LRP1B: variants seen among roughly 807,000 people sequenced by gnomAD.
LRP1B encodes the protein LDL receptor related protein 1B, also known as low-density lipoprotein receptor-related protein 1B.
In LRP1B, 217 loss-of-function variants were observed where a neutral mutation model predicts 556.6. That is an observed-to-expected ratio of 0.39 (90% confidence interval 0.35 to 0.44). The LOEUF (loss-of-function observed/expected upper bound fraction) is 0.44. Ranked by LOEUF, LRP1B falls within the 20% of genes least tolerant of loss-of-function variation. The pLI, the probability that LRP1B is intolerant of heterozygous loss-of-function variation, is 1.00. For synonymous variants in LRP1B, 2,047 were observed against 1,865.8 expected (o/e 1.10, Z -2.50); for missense variants, 5,053 against 5,620.8 (o/e 0.90, Z 3.23).
At chr2:141,489,014 T>C (rs1051126216) in intron 2 of LRP1B, among the ~76,000 whole-genome samples, 1 of 151,620 alleles carries the variant, frequency 6.6e-6, no homozygotes, top group Non-Finnish European at 1.5e-5. Flanking sequence ...TCTTGTTCTA[T>C]TGCCCAGGCT....
At position 142,130,867 on chromosome 2, in the gene LRP1B, G is replaced by A. The variant is rs997236490; in HGVS notation, c.-138C>T. ...TACAAATGTCACTGGAAATTCTTCA[G>A]CTCAATGAGTCCAGCCAGTCAGCCT... On this transcript the variant is annotated 5_prime_UTR_variant, in exon 1 of 91. Transcript: ENST00000389484. 1.2e-5 allele frequency: 9 copies of A among 728,450 alleles called. No homozygotes were observed. Among genetic ancestry groups the A allele is most frequent in the Non-Finnish European group, 2.0e-5 (8 of 408,668 alleles). 45.1% of individuals were successfully genotyped at this position (728,450 alleles called of 1,614,324 possible).
intron 81 of LRP1B, 101 bp downstream of exon 81, chr2:140,323,792 T>C (rs1001336780): frequency 3.5e-6 from 2 of 567,052 alleles, no homozygotes; most frequent in African/African-American, 1.9e-5. Flanking sequence ...TTACTGAGGT[T>C]AAGACATTTA....
chr2:141,210,289 G>A (rs1682485296), intron 6 of LRP1B, among the ~76,000 whole-genome samples: 1 of 151,340 alleles, frequency 6.6e-6, no homozygotes, highest in African/African-American at 2.4e-5. Flanking sequence ...AAATCCATTA[G>A]GAAAGTCCAA....
intron 1 of LRP1B, among the ~76,000 whole-genome samples, chr2:142,016,878 ATG>A (rs202228698): frequency 0.025 from 3,728 of 149,838 alleles, 161 homozygotes; most frequent in East Asian, 0.17. Flanking sequence ...ATATGTATAT[ATG>A]TGTTTATATG....
intron 66 of LRP1B, among the ~76,000 whole-genome samples, chr2:140,439,956 T>G (rs1345915857): frequency 6.6e-6 from 1 of 152,154 alleles, no homozygotes; most frequent in African/African-American, 2.4e-5. Flanking sequence ...TTACTCTGCT[T>G]CATTTTTTTC....
At chr2:141,196,039 T>C (rs755607465) in intron 6 of LRP1B, among the ~76,000 whole-genome samples, 1 of 152,012 alleles carries the variant, frequency 6.6e-6, no homozygotes, top group African/African-American at 2.4e-5. Context: ...GTAGCTAAAA[T>C]AAGAAAGAAT....
At chr2:141,075,606 C>T (rs1182700310) in intron 7 of LRP1B, among the ~76,000 whole-genome samples, 1 of 152,104 alleles carries the variant, frequency 6.6e-6, no homozygotes, top group African/African-American at 2.4e-5. Context: ...TATTAGAATT[C>T]AAAAGTTGCT....
intron 18 of LRP1B, among the ~76,000 whole-genome samples, chr2:140,965,702 C>T (rs916397856): frequency 2.6e-5 from 4 of 152,088 alleles, no homozygotes; most frequent in African/African-American, 9.7e-5. Flanking sequence ...CTTTCCCTCC[C>T]CACTCCCCTC....
intron 1 of LRP1B, among the ~76,000 whole-genome samples, chr2:141,960,282 T>TC (rs1287694617): frequency 6.6e-6 from 1 of 151,824 alleles, no homozygotes; most frequent in Non-Finnish European, 1.5e-5. Flanking sequence ...TCAAGTCTTA[T>TC]CCCTGTTCCT....
chr2:141,403,763 A>G (rs1690528967), intron 3 of LRP1B, among the ~76,000 whole-genome samples: 2 of 152,170 alleles, frequency 1.3e-5, no homozygotes, highest in African/African-American at 2.4e-5. Context: ...TACAATTTTT[A>G]TAATATAGCG....
At chr2:141,796,108 G>A (rs895655907) in intron 2 of LRP1B, among the ~76,000 whole-genome samples, 3 of 151,362 alleles carry the variant, frequency 2.0e-5, no homozygotes, top group Non-Finnish European at 2.9e-5. Context: ...TGTTAAATCA[G>A]TTTTTGAGGA....
chr2:140,748,859 A>C (rs1688472035), intron 35 of LRP1B, among the ~76,000 whole-genome samples: 1 of 78,822 alleles, frequency 1.3e-5, no homozygotes, highest in Non-Finnish European at 2.6e-5. Context: ...TAATATATAT[A>C]CACACACACA....
intron 43 of LRP1B, among the ~76,000 whole-genome samples, chr2:140,581,670 G>T (rs2105137854): frequency 6.6e-6 from 1 of 152,164 alleles, no homozygotes; most frequent in East Asian, 1.9e-4. Context: ...ATTCTACAAT[G>T]AAACTGAAAC....
chr2:140,461,113 C>T (rs1687298937), intron 60 of LRP1B, among the ~76,000 whole-genome samples: 1 of 151,418 alleles, frequency 6.6e-6, no homozygotes, highest in Non-Finnish European at 1.5e-5. Context: ...GAAAAGGTGG[C>T]TATCCAGAAC....
intron 81 of LRP1B, among the ~76,000 whole-genome samples, chr2:140,323,465 G>A (rs968718391): frequency 2.8e-4 from 43 of 151,966 alleles, no homozygotes; most frequent in African/African-American, 7.2e-4. Flanking sequence ...TAGATAGTTC[G>A]TCTATGCACT....
chr2:140,918,964 A>G (rs1038878729), intron 21 of LRP1B, among the ~76,000 whole-genome samples: 1 of 151,920 alleles, frequency 6.6e-6, no homozygotes, highest in African/African-American at 2.4e-5. Context: ...TCCTATTGCA[A>G]CTATTCTGCT....
chr2:141,221,478 T>G (rs1012945127), intron 6 of LRP1B, among the ~76,000 whole-genome samples: 1 of 152,138 alleles, frequency 6.6e-6, no homozygotes, highest in Admixed American at 6.6e-5. Context: ...AACACCCCAC[T>G]GTCAATATTA....
intron 3 of LRP1B, among the ~76,000 whole-genome samples, chr2:141,301,294 G>A (rs1686387554): frequency 6.6e-6 from 1 of 152,090 alleles, no homozygotes; most frequent in African/African-American, 2.4e-5. Flanking sequence ...TAATGAAGTG[G>A]CTTCTAGTTT....
intron 83 of LRP1B, among the ~76,000 whole-genome samples, chr2:140,312,247 A>C (rs1684333864): frequency 6.6e-6 from 1 of 151,976 alleles, no homozygotes; most frequent in Non-Finnish European, 1.5e-5. Flanking sequence ...GCATATTTAC[A>C]AACTCCCAAA....
Sources: gnomAD v4.1 joint callset for allele counts (sites outside exome capture counted in the v4.1 genomes callset) on GRCh38, gnomAD v4.1.1 for gene constraint, MANE v1.5 for transcripts, NCBI Gene and HGNC (gene_info 2026-07-23, HGNC 2026-07-21) for gene names.